DCC: variants seen among roughly 807,000 people sequenced by gnomAD.
DCC encodes netrin receptor DCC.
Under a neutral mutation model 172.5 loss-of-function variants are expected in DCC, and 58 were observed. That is an observed-to-expected ratio of 0.34 (90% CI 0.27 to 0.42). The LOEUF (loss-of-function observed/expected upper bound fraction) is 0.42. DCC is among the 10% of genes least tolerant of loss of function. The pLI is 1.00. For missense variants in DCC, 1,740 were observed against 1,791.0 expected (o/e 0.97, Z 0.51); for synonymous variants, 709 against 644.5 (o/e 1.10, Z -1.52).
chr18:52,728,627 A>G (rs1373308489), intron 1 of DCC, among the ~76,000 whole-genome samples: 2 of 152,202 alleles, frequency 1.3e-5, no homozygotes, highest in Admixed American at 1.3e-4. Flanking sequence ...ATTGGCAGGC[A>G]GGTCATCTGA....
chr18:52,600,789 T>C (rs2034000865), intron 1 of DCC, among the ~76,000 whole-genome samples: 1 of 152,110 alleles, frequency 6.6e-6, no homozygotes, highest in African/African-American at 2.4e-5. Flanking sequence ...ATTTAGAAAA[T>C]TACAAAATAT....
chr18:53,352,423 C>T (rs960317526), intron 15 of DCC, among the ~76,000 whole-genome samples: 4 of 151,986 alleles, frequency 2.6e-5, no homozygotes, highest in African/African-American at 9.7e-5. Context: ...ATTGTTATGT[C>T]TTGTTGATGA....
At chr18:52,649,773 G>A (rs1218118959) in intron 1 of DCC, among the ~76,000 whole-genome samples, 2 of 152,098 alleles carry the variant, frequency 1.3e-5, no homozygotes, top group African/African-American at 4.8e-5. Flanking sequence ...TCCAGTGAGT[G>A]ACTTGAGGAA....
chr18:52,754,675 T>C (rs1403226072), intron 2 of DCC, among the ~76,000 whole-genome samples: 2 of 152,310 alleles, frequency 1.3e-5, no homozygotes, highest in East Asian at 3.9e-4. Flanking sequence ...CCCAAACTGA[T>C]GAAGGCAGAG....
Position 52,560,302 on chromosome 18 carries a change from G to T in DCC, c.92-191752G>T, listed in dbSNP as rs1568229487. On this transcript the variant is annotated intron_variant, in intron 1 of 28. Transcript: ENST00000442544. ...ATTTATGGACACTGAAATCTGGATT[G>T]TATATAATTGTATATAATTCTGTGT... Among the ~76,000 whole-genome samples the T allele has an allele frequency of 2.0e-5, 3 of 152,194 alleles. No individual in the cohort carries two copies. The South Asian group carries it at 6.2e-4, about 32-fold the overall frequency.
intron 14 of DCC, among the ~76,000 whole-genome samples, chr18:53,326,335 C>T (rs1203291526): frequency 6.6e-6 from 1 of 152,166 alleles, no homozygotes; most frequent in Non-Finnish European, 1.5e-5. Flanking sequence ...CATTTAACTG[C>T]ATAAATATGT....
intron 1 of DCC, among the ~76,000 whole-genome samples, chr18:52,653,498 A>G (rs1396669379): frequency 6.6e-6 from 1 of 152,288 alleles, no homozygotes; most frequent in East Asian, 1.9e-4. Flanking sequence ...CTTTAAATAT[A>G]ATTACATCGA....
intron 28 of DCC, chr18:53,527,090 CGT>C (rs200516080): frequency 0.058 from 11,893 of 204,522 alleles, 693 homozygotes; most frequent in African/African-American, 0.18. Flanking sequence ...CACATGGATA[CGT>C]GTGTGTGTGT....
At chr18:53,308,408 C>T (rs1216432947) in intron 13 of DCC, among the ~76,000 whole-genome samples, 1 of 151,794 alleles carries the variant, frequency 6.6e-6, no homozygotes, top group African/African-American at 2.4e-5. Flanking sequence ...TTTGTAACAA[C>T]AGTATGATAT....
intron 10 of DCC, 92 bp from the exon 11 acceptor site, chr18:53,207,587 T>C: frequency 1.1e-5 from 13 of 1,201,458 alleles, no homozygotes; most frequent in Non-Finnish European, 1.6e-5. Context: ...TTTGTAAGAG[T>C]CTAATGTCCA....
chr18:52,623,189 G>A (rs74573530), intron 1 of DCC, among the ~76,000 whole-genome samples: 6,058 of 152,184 alleles, frequency 0.04, 155 homozygotes, highest in Non-Finnish European at 0.053. Flanking sequence ...AACTTTGAAG[G>A]GTATATTGGA....
At chr18:52,419,122 G>A (rs900156685) in intron 1 of DCC, 1 of 152,164 alleles carries the variant, frequency 6.6e-6, no homozygotes, top group Admixed American at 6.6e-5. Flanking sequence ...GTTCCCCAAA[G>A]TGCTGGGATT....
chr18:52,633,106 C>G (rs963811272), intron 1 of DCC, among the ~76,000 whole-genome samples: 4 of 147,610 alleles, frequency 2.7e-5, no homozygotes, highest in Admixed American at 6.9e-5. Flanking sequence ...TTCATTCTTT[C>G]TCTTTCTTCC....
At chr18:53,148,783 C>G (rs2043954210) in intron 7 of DCC, among the ~76,000 whole-genome samples, 1 of 151,608 alleles carries the variant, frequency 6.6e-6, no homozygotes, top group Non-Finnish European at 1.5e-5. Flanking sequence ...TGACGACGTA[C>G]TTTCCTTCCA....
intron 1 of DCC, among the ~76,000 whole-genome samples, chr18:52,598,027 C>T (rs1421186909): frequency 6.6e-6 from 1 of 152,086 alleles, no homozygotes; most frequent in Admixed American, 6.6e-5. Context: ...GCATGTTAGG[C>T]AGTATAACGT....
rs529573055 is a variant in DCC at position 53,482,675 on chromosome 18, G to T, written c.3737-4122G>T. Among the ~76,000 whole-genome samples the T allele has an allele frequency of 4.0e-5, 6 of 151,650 alleles. No homozygotes were observed. The South Asian group carries it at 1.3e-3, about 32-fold the overall frequency. On this transcript the variant is annotated intron_variant, in intron 25 of 28. Coordinates refer to ENST00000442544, the MANE Select transcript of DCC (RefSeq NM_005215.4). ...TAAAATATAGTATGCACAGTTTGTGGAATGAGTATTTTCTATATTTAAAGG... is the reference window on the plus strand; with the variant it reads ...TAAAATATAGTATGCACAGTTTGTGTAATGAGTATTTTCTATATTTAAAGG...
intron 7 of DCC, among the ~76,000 whole-genome samples, 187 bp downstream of exon 7, chr18:53,066,353 G>GTATGTATATATA (rs1202896480): frequency 1.9e-3 from 175 of 94,408 alleles, no homozygotes; most frequent in Non-Finnish European, 3.1e-3. Context: ...GTACATGTGT[G>GTATGTATATATA]TATATATATA....
intron 8 of DCC, among the ~76,000 whole-genome samples, chr18:53,174,935 C>T (rs1466205895): frequency 1.3e-5 from 2 of 152,172 alleles, no homozygotes; most frequent in African/African-American, 2.4e-5. Context: ...CAGTAAAATA[C>T]TGGCAAAACG....
intron 1 of DCC, among the ~76,000 whole-genome samples, chr18:52,540,069 C>T (rs1367804205): frequency 6.6e-6 from 1 of 152,104 alleles, no homozygotes; most frequent in African/African-American, 2.4e-5. Context: ...TAGATCATAT[C>T]TCAATGTTGG....
Sources: allele counts gnomAD v4.1 joint callset (sites outside exome capture counted in the v4.1 genomes callset), GRCh38; gene constraint gnomAD v4.1.1; transcripts MANE v1.5; gene names NCBI Gene and HGNC (gene_info 2026-07-23, HGNC 2026-07-21).